The following BLTP3B variants were observed in gnomAD, a reference collection of about 807,000 sequenced individuals.
BLTP3B encodes UHRF1 (ICBP90) binding protein 1-like.
At chr12:100,058,992 C>G in the BLTP3B span, 11 of 1,614,118 alleles carry the variant, frequency 6.8e-6, no homozygotes, top group South Asian at 1.2e-4. Context: ...CCGCTTCAAT[C>G]GGCCAGCCAG....
At chr12:100,128,855 G>C in the BLTP3B span, 5 of 793,742 alleles carry the variant, frequency 6.3e-6, no homozygotes, top group African/African-American at 1.8e-5. Flanking sequence ...ATTTCACACT[G>C]GATTCACTAA....
chr12:100,138,556 A>C, the BLTP3B span, among the ~76,000 whole-genome samples: 1 of 152,224 alleles, frequency 6.6e-6, no homozygotes, highest in Non-Finnish European at 1.5e-5. Flanking sequence ...AAGTCTTGAC[A>C]ATTAAAAATA....
the BLTP3B span, among the ~76,000 whole-genome samples, chr12:100,069,479 C>A: frequency 6.6e-6 from 1 of 151,686 alleles, no homozygotes; most frequent in African/African-American, 2.4e-5. Flanking sequence ...TATGTATATA[C>A]ATACATGTGT....
chr12:100,118,693 C>T, the BLTP3B span, among the ~76,000 whole-genome samples: 4 of 152,146 alleles, frequency 2.6e-5, no homozygotes, highest in Admixed American at 6.5e-5. Context: ...ATCTTCACAA[C>T]CTTTCTATAA....
At chr12:100,116,944 C>A in the BLTP3B span, among the ~76,000 whole-genome samples, 1 of 151,812 alleles carries the variant, frequency 6.6e-6, no homozygotes, top group Non-Finnish European at 1.5e-5. Flanking sequence ...ACAGAGGAGC[C>A]GTAAGAAAGA....
the BLTP3B span, among the ~76,000 whole-genome samples, chr12:100,038,607 A>T: frequency 6.6e-6 from 1 of 152,180 alleles, no homozygotes; most frequent in South Asian, 2.1e-4. Flanking sequence ...AAGTGCTGGG[A>T]TTACAGGCAT....
chr12:100,074,238 AAACAAC>A, the BLTP3B span, among the ~76,000 whole-genome samples: 3 of 152,100 alleles, frequency 2.0e-5, no homozygotes, highest in South Asian at 2.1e-4. Flanking sequence ...GCTGAAAGCC[AAACAAC>A]AACAACAACA....
At chr12:100,111,848 TCCACCTCGGCCTCCCAAAGTGCTGG>T in the BLTP3B span, among the ~76,000 whole-genome samples, 2 of 152,024 alleles carry the variant, frequency 1.3e-5, no homozygotes, top group African/African-American at 4.8e-5. Flanking sequence ...TTGTGATCCA[TCCACCTCGGCCTCCCAAAGTGCTGG>T]CTGGGATTAC....
chr12:100,142,677 A>C, the BLTP3B span: 1 of 1,593,534 alleles, frequency 6.3e-7, no homozygotes, highest in Non-Finnish European at 8.5e-7. Context: ...CCTGTTGCTC[A>C]CTGCCTCCTC....
chr12:100,047,752 CTGTTA>C, the BLTP3B span: 5 of 1,057,714 alleles, frequency 4.7e-6, no homozygotes, highest in East Asian at 5.2e-5. Context: ...AGAAAACTGC[CTGTTA>C]TATTTTGCCT....
chr12:100,140,828 T>C, the BLTP3B span, among the ~76,000 whole-genome samples: 1 of 149,034 alleles, frequency 6.7e-6, no homozygotes, highest in Non-Finnish European at 1.5e-5. Context: ...CAGTAAGCCA[T>C]TACATCTTTG....
chr12:100,088,467 T>C, the BLTP3B span, among the ~76,000 whole-genome samples: 12 of 152,208 alleles, frequency 7.9e-5, no homozygotes, highest in Non-Finnish European at 1.8e-4. Flanking sequence ...CCATAAAATA[T>C]GTTAAATAGT....
chr12:100,063,469 G>C, the BLTP3B span, among the ~76,000 whole-genome samples: 9 of 152,156 alleles, frequency 5.9e-5, no homozygotes, highest in African/African-American at 2.2e-4. Context: ...CACTTTGGGA[G>C]GTCAAGGTGG....
the BLTP3B span, among the ~76,000 whole-genome samples, chr12:100,076,275 A>G: frequency 2.0e-5 from 3 of 151,838 alleles, no homozygotes; most frequent in Admixed American, 6.6e-5. Context: ...GTATACCCAG[A>G]GATGTTTTTT....
At chr12:100,037,428 C>A in the BLTP3B span, 1 of 1,302,056 alleles carries the variant, frequency 7.7e-7, no homozygotes, top group East Asian at 3.8e-5. Flanking sequence ...GAGGGTTAAG[C>A]CCCAAAACAC....
the BLTP3B span, among the ~76,000 whole-genome samples, chr12:100,110,112 C>A: frequency 6.6e-6 from 1 of 152,068 alleles, no homozygotes; most frequent in Non-Finnish European, 1.5e-5. Context: ...CTGAAAAAAA[C>A]TAAACTACTG....
At chr12:100,068,652 C>A in the BLTP3B span, among the ~76,000 whole-genome samples, 2 of 152,034 alleles carry the variant, frequency 1.3e-5, no homozygotes, top group South Asian at 4.1e-4. Flanking sequence ...AAGAAAAAAA[C>A]AAACAATCCC....
At chr12:100,047,438 G>T in the BLTP3B span, 2 of 899,664 alleles carry the variant, frequency 2.2e-6, no homozygotes, top group Non-Finnish European at 3.5e-6. Flanking sequence ...GCAGAGGTTT[G>T]CAGTAGGCTG....
At chr12:100,104,044 GAC>G in the BLTP3B span, 43 of 815,318 alleles carry the variant, frequency 5.3e-5, no homozygotes, top group Non-Finnish European at 7.8e-5. Flanking sequence ...ATATAGGACA[GAC>G]ACACCAAATT....
Sources: allele counts gnomAD v4.1 joint callset (sites outside exome capture counted in the v4.1 genomes callset), GRCh38; gene constraint gnomAD v4.1.1; transcripts MANE v1.5; gene names NCBI Gene and HGNC (gene_info 2026-07-23, HGNC 2026-07-21).